The following ATP10B variants were observed in gnomAD, a reference collection of about 807,000 sequenced individuals.
ATP10B encodes the protein phospholipid-transporting ATPase VB.
ATP10B carries 122 observed loss-of-function variants against 141.2 expected under a neutral mutation model. The ratio of observed to expected loss-of-function variants is 0.86; its 90% CI spans 0.75 to 1.00. The LOEUF is 1.00. ATP10B is among the 50% of genes least tolerant of loss of function. The pLI is 0.00. For synonymous variants in ATP10B, 685 were observed against 692.0 expected, an observed-to-expected ratio of 0.99 and a Z score of 0.16; for missense variants, 1,876 against 1,825.3, an observed-to-expected ratio of 1.03 and a Z score of -0.51.
At chr5:160,846,190 A>T (rs1776105438) in intron 1 of ATP10B, among the ~76,000 whole-genome samples, 5 of 152,156 alleles carry the variant, frequency 3.3e-5, no homozygotes, top group Admixed American at 3.3e-4. Context: ...GGCATTGAAA[A>T]TAGGTATTTA....
intron 6 of ATP10B, 42 bp downstream of exon 6, chr5:160,686,037 T>C: frequency 6.9e-7 from 1 of 1,453,878 alleles, no homozygotes; most frequent in Non-Finnish European, 9.2e-7. Context: ...TGAGTTTGCC[T>C]AACCCATTTG....
chr5:160,637,367 C>T (rs1759495917), intron 10 of ATP10B, among the ~76,000 whole-genome samples: 1 of 152,056 alleles, frequency 6.6e-6, no homozygotes, highest in Admixed American at 6.6e-5. Context: ...CTATGTTTAC[C>T]CATTCATCCC....
intron 2 of ATP10B, among the ~76,000 whole-genome samples, chr5:160,783,381 A>T (rs1005847182): frequency 7.9e-6 from 1 of 126,778 alleles, no homozygotes; most frequent in East Asian, 3.8e-4. Context: ...GTATTTCATC[A>T]TATATATATA....
the ATP10B span, among the ~76,000 whole-genome samples, chr5:160,876,606 T>C: frequency 2.0e-5 from 3 of 151,628 alleles, no homozygotes; most frequent in East Asian, 2.0e-4. Context: ...AGCTGGTTTT[T>C]TGAAAGGATC....
intron 2 of ATP10B, among the ~76,000 whole-genome samples, chr5:160,719,056 A>T (rs866011632): frequency 2.6e-5 from 4 of 152,200 alleles, no homozygotes; most frequent in Non-Finnish European, 5.9e-5. Context: ...TAGCCAATAA[A>T]TAAAAAAACT....
chr5:160,682,300 G>C (rs1177196482), intron 6 of ATP10B, among the ~76,000 whole-genome samples: 5 of 152,154 alleles, frequency 3.3e-5, no homozygotes, highest in African/African-American at 1.2e-4. Context: ...GGCCATGCAC[G>C]TATTTTTTCG....
intron 2 of ATP10B, among the ~76,000 whole-genome samples, chr5:160,765,926 T>C (rs1344513882): frequency 6.6e-6 from 1 of 151,964 alleles, no homozygotes; most frequent in Non-Finnish European, 1.5e-5. Context: ...AGAGAAGATA[T>C]ACAAATGGCC....
At chr5:160,879,537 T>TAAAAA in the ATP10B span, among the ~76,000 whole-genome samples, 34 of 134,884 alleles carry the variant, frequency 2.5e-4, no homozygotes, top group Admixed American at 2.5e-3. Context: ...AAAGTAAAAT[T>TAAAAA]AAAAAAAAAA....
At chr5:160,814,513 C>T (rs192337453) in intron 1 of ATP10B, among the ~76,000 whole-genome samples, 1,498 of 149,230 alleles carry the variant, frequency 0.01, 31 homozygotes, top group African/African-American at 0.031. Context: ...GTCTGATTGG[C>T]GTACCTGAAA....
At chr5:160,775,396 C>T (rs1006137064) in intron 2 of ATP10B, among the ~76,000 whole-genome samples, 3 of 152,312 alleles carry the variant, frequency 2.0e-5, no homozygotes, top group East Asian at 1.9e-4. Context: ...TTTGTTTTCA[C>T]AGCTGAAAGT....
At chr5:160,589,016 G>GT (rs531287100) in intron 24 of ATP10B, among the ~76,000 whole-genome samples, 60 of 152,050 alleles carry the variant, frequency 3.9e-4, no homozygotes, top group African/African-American at 1.4e-3. Flanking sequence ...AACTGTTTTT[G>GT]TTTTTTGTTT....
chr5:160,835,316 T>C (rs1339964148), intron 1 of ATP10B, among the ~76,000 whole-genome samples: 2 of 152,148 alleles, frequency 1.3e-5, no homozygotes, highest in African/African-American at 2.4e-5. Context: ...CTGAGATGTA[T>C]AGCTTGTGGT....
At chr5:160,768,058 C>T (rs547093563) in intron 2 of ATP10B, among the ~76,000 whole-genome samples, 1 of 152,290 alleles carries the variant, frequency 6.6e-6, no homozygotes, top group East Asian at 1.9e-4. Flanking sequence ...ACTCCCAACT[C>T]CTTCCCGAGG....
chr5:160,835,284 AC>A (rs1194765182), intron 1 of ATP10B, among the ~76,000 whole-genome samples: 1 of 152,138 alleles, frequency 6.6e-6, no homozygotes, highest in Non-Finnish European at 1.5e-5. Context: ...TCAGAAATGG[AC>A]TGTGCTTGTT....
intron 2 of ATP10B, among the ~76,000 whole-genome samples, chr5:160,776,941 C>T (rs1385098584): frequency 1.3e-5 from 2 of 152,104 alleles, no homozygotes; most frequent in African/African-American, 4.8e-5. Context: ...ACCAGGAAGG[C>T]AAGGGAAAGA....
intron 7 of ATP10B, among the ~76,000 whole-genome samples, chr5:160,670,132 G>A (rs972411481): frequency 6.6e-6 from 1 of 152,094 alleles, no homozygotes; most frequent in Non-Finnish European, 1.5e-5. Flanking sequence ...AGAGGAGTTG[G>A]TCCTAGTGAT....
At position 160,704,914 on chromosome 5, in the gene ATP10B, C is replaced by CTTTTTTTTTTTTTTTTTTTTTTTTTTTTT. The variant is rs1170629163; in HGVS notation, c.-205+11994_-205+11995insAAAAAAAAAAAAAAAAAAAAAAAAAAAAA. On this transcript the variant is annotated intron_variant, in intron 3 of 25. Coordinates refer to ENST00000327245, the MANE Select transcript of ATP10B (RefSeq NM_025153.3). ...TGCTAGCTTCCAACATTTCTTTCAT[C>CTTTTTTTTTTTTTTTTTTTTTTTTTTTTT]TTTTTTTTTTTTTTTTTTTTTGTTG... Among the ~76,000 whole-genome samples, 330 of 83,636 alleles carry CTTTTTTTTTTTTTTTTTTTTTTTTTTTTT rather than the reference C, an allele frequency of 3.9e-3. 16 individuals carry two copies. Among genetic ancestry groups the CTTTTTTTTTTTTTTTTTTTTTTTTTTTTT allele is most frequent in the African/African-American group, 4.8e-3 (83 of 17,230 alleles). 54.9% of individuals were successfully genotyped at this position (83,636 alleles called of 152,430 possible).
At chr5:160,749,469 C>T (rs568783854) in intron 2 of ATP10B, among the ~76,000 whole-genome samples, 2 of 152,280 alleles carry the variant, frequency 1.3e-5, no homozygotes, top group African/African-American at 4.8e-5. Context: ...AACACCTGTT[C>T]CAGTTTCCAC....
chr5:160,703,006 C>T (rs895181559), intron 3 of ATP10B, among the ~76,000 whole-genome samples: 2 of 152,146 alleles, frequency 1.3e-5, no homozygotes, highest in East Asian at 1.9e-4. Flanking sequence ...TGAATATATA[C>T]TGGAACTGAA....
Sources: allele counts gnomAD v4.1 joint callset (sites outside exome capture counted in the v4.1 genomes callset), GRCh38; gene constraint gnomAD v4.1.1; transcripts MANE v1.5; gene names NCBI Gene and HGNC (gene_info 2026-07-23, HGNC 2026-07-21).